PDS5A: variants seen among roughly 807,000 people sequenced by gnomAD.
PDS5A encodes the protein sister chromatid cohesion protein PDS5 homolog A.
In PDS5A, 42 loss-of-function variants were observed where a neutral mutation model predicts 167.1. The observed-to-expected ratio is 0.25, with a 90% CI of 0.20 to 0.33. The LOEUF is 0.33. PDS5A is among the 10% of genes least tolerant of loss of function. The probability of loss-of-function intolerance (pLI) is 1.00; values close to 1 mark genes in which losing one functional copy is unlikely to be tolerated. For synonymous variants in PDS5A, 553 were observed against 554.6 expected, an observed-to-expected ratio of 1.00 and a Z score of 0.04; for missense variants, 1,033 against 1,605.9, an observed-to-expected ratio of 0.64 and a Z score of 6.10.
rs887803933 is a variant in PDS5A at position 39,825,611 on chromosome 4, T to C, written c.4011-123A>G. 12 of 696,040 alleles carry C rather than the reference T, an allele frequency of 1.7e-5. No individual in the cohort carries two copies. In the African/African-American group the frequency reaches 2.2e-4, roughly 13 times the overall value. 43.1% of individuals were successfully genotyped at this position (696,040 alleles called of 1,614,324 possible). On this transcript the variant is annotated intron_variant, in intron 32 of 32. Transcript: ENST00000303538. ...TTTTTTTTTTTTTTAAACTTAAGCA[T>C]CAGGATCTCACTCTGTCACTCAGGC...
At chr4:39,959,053 T>A (rs1729230804) in intron 2 of PDS5A, among the ~76,000 whole-genome samples, 1 of 152,206 alleles carries the variant, frequency 6.6e-6, no homozygotes. Flanking sequence ...ATGAATTTCT[T>A]GACAATCAAA....
intron 2 of PDS5A, among the ~76,000 whole-genome samples, chr4:39,965,467 A>G (rs1729887403): frequency 6.6e-6 from 1 of 152,218 alleles, no homozygotes; most frequent in Admixed American, 6.5e-5. Flanking sequence ...GACAATAAGA[A>G]AAGTTGCTCA....
chr4:39,914,170 T>G (rs1329395402), intron 8 of PDS5A, among the ~76,000 whole-genome samples: 3 of 150,794 alleles, frequency 2.0e-5, no homozygotes, highest in South Asian at 2.1e-4. Flanking sequence ...TTGTTTTTTT[T>G]TTTTTTTTTT....
intron 32 of PDS5A, among the ~76,000 whole-genome samples, chr4:39,835,453 A>G (rs1716298432): frequency 6.6e-6 from 1 of 152,230 alleles, no homozygotes; most frequent in Non-Finnish European, 1.5e-5. Flanking sequence ...GGATTTTACA[A>G]TGCTGTATAT....
At chr4:39,834,708 G>T (rs934091271) in intron 32 of PDS5A, among the ~76,000 whole-genome samples, 1 of 152,216 alleles carries the variant, frequency 6.6e-6, no homozygotes, top group East Asian at 1.9e-4. Context: ...GAAGTTGATG[G>T]AGCTTATGTT....
chr4:39,918,878 A>G (rs1456136811), intron 7 of PDS5A, among the ~76,000 whole-genome samples: 1 of 152,176 alleles, frequency 6.6e-6, no homozygotes, highest in Non-Finnish European at 1.5e-5. Flanking sequence ...GATAAGAGTA[A>G]TATCAAAAAA....
chr4:39,945,512 C>T (rs1403693631), intron 2 of PDS5A, among the ~76,000 whole-genome samples: 1 of 149,954 alleles, frequency 6.7e-6, no homozygotes, highest in African/African-American at 2.5e-5. Flanking sequence ...TAGTCACTCA[C>T]TGCTTAGTAC....
intron 9 of PDS5A, among the ~76,000 whole-genome samples, chr4:39,911,615 G>A (rs1723891841): frequency 6.6e-6 from 1 of 151,918 alleles, no homozygotes. Context: ...GGCAAATCAC[G>A]AGGTCGGGAG....
intron 30 of PDS5A, among the ~76,000 whole-genome samples, chr4:39,844,003 G>A (rs1244860509): frequency 2.0e-5 from 3 of 151,796 alleles, no homozygotes; most frequent in African/African-American, 4.8e-5. Context: ...AAGAAAATTG[G>A]CTGGGGGTTG....
At chr4:39,877,264 G>A in intron 18 of PDS5A, 111 bp from the exon 19 acceptor site, 1 of 623,688 alleles carries the variant, frequency 1.6e-6, no homozygotes, top group Non-Finnish European at 2.7e-6. Flanking sequence ...AAATATGCTA[G>A]CTACACAGAA....
In PDS5A at chr4:39,823,799, C is replaced by T. The variant is rs776879472; in HGVS notation, c.*1686G>A. ...TTGTTCCCTAAGCATCTTCTGATAC[C>T]TAAATGTGTGTAAATGCATATTTAA... On this transcript the variant is annotated 3_prime_UTR_variant, in exon 33 of 33. Coordinates refer to ENST00000303538, the MANE Select transcript of PDS5A (RefSeq NM_001100399.2). 2.6e-5 allele frequency: 4 copies of T among 152,558 alleles called. No individual in the cohort carries two copies. The highest frequency in any genetic ancestry group is 4.4e-5 in the Non-Finnish European group (3 of 68,030). The allele number at this position is 152,558 out of a possible 1,614,324, so 9.5% of individuals were successfully genotyped here. A position where few individuals can be genotyped will look rare whatever the true frequency, so the allele number is the denominator to read the frequency against.
intron 26 of PDS5A, among the ~76,000 whole-genome samples, chr4:39,852,256 A>G: frequency 6.6e-6 from 1 of 152,306 alleles, no homozygotes; most frequent in South Asian, 2.1e-4. Flanking sequence ...TTATAAAACA[A>G]TATATAATAG....
chr4:39,884,292 A>G (rs1490285803), intron 17 of PDS5A, among the ~76,000 whole-genome samples: 1 of 152,152 alleles, frequency 6.6e-6, no homozygotes, highest in Non-Finnish European at 1.5e-5. Context: ...CTGTCAATTT[A>G]TCTCCTAAGC....
At chr4:39,947,853 C>T (rs1239226000) in intron 2 of PDS5A, among the ~76,000 whole-genome samples, 1 of 152,146 alleles carries the variant, frequency 6.6e-6, no homozygotes, top group African/African-American at 2.4e-5. Flanking sequence ...TGGAACACCT[C>T]CCAGTAGGCC....
chr4:39,929,536 T>TATAC (rs60652108), intron 2 of PDS5A, among the ~76,000 whole-genome samples: 22,770 of 116,540 alleles, frequency 0.2, 3,313 homozygotes, highest in Middle Eastern at 0.27. Flanking sequence ...TATATATATA[T>TATAC]ATATATATAT....
At chr4:39,881,509 TA>T (rs1200396836) in intron 17 of PDS5A, among the ~76,000 whole-genome samples, 1 of 152,056 alleles carries the variant, frequency 6.6e-6, no homozygotes, top group East Asian at 1.9e-4. Flanking sequence ...CTGATAACAT[TA>T]AAAAAACAAA....
At chr4:39,828,141 G>T (rs1232326260) in intron 32 of PDS5A, among the ~76,000 whole-genome samples, 1 of 152,096 alleles carries the variant, frequency 6.6e-6, no homozygotes, top group Non-Finnish European at 1.5e-5. Flanking sequence ...TGAACTCAAG[G>T]AATTTTTGCA....
At chr4:39,921,695 T>C (rs537999662) in intron 6 of PDS5A, among the ~76,000 whole-genome samples, 19 of 150,186 alleles carry the variant, frequency 1.3e-4, no homozygotes, top group Non-Finnish European at 2.4e-4. Context: ...GAGGCGGCAA[T>C]GAGCCAAGAT....
At chr4:39,915,006 A>G (rs1242983927) in intron 8 of PDS5A, among the ~76,000 whole-genome samples, 2 of 152,106 alleles carry the variant, frequency 1.3e-5, no homozygotes, top group East Asian at 1.9e-4. Context: ...AATTACATCA[A>G]GTATTAACTA....
Sources: gnomAD v4.1 joint callset for allele counts (sites outside exome capture counted in the v4.1 genomes callset) on GRCh38, gnomAD v4.1.1 for gene constraint, MANE v1.5 for transcripts, NCBI Gene and HGNC (gene_info 2026-07-23, HGNC 2026-07-21) for gene names.